The following TP63 variants were observed in gnomAD, a reference collection of about 807,000 sequenced individuals.
TP63 encodes the protein tumor protein 63.
In TP63, 17 loss-of-function variants were observed where a neutral mutation model predicts 82.8. The observed-to-expected ratio is 0.21, with a 90% confidence interval of 0.14 to 0.31. TP63 has a LOEUF of 0.31. TP63 is among the 10% of genes least tolerant of loss of function. The pLI is 1.00. For synonymous variants in TP63, 330 were observed against 321.7 expected (o/e 1.03, Z -0.28); for missense variants, 648 against 895.3 (o/e 0.72, Z 3.52).
intron 3 of TP63, among the ~76,000 whole-genome samples, chr3:189,799,128 G>A (rs1017687208): frequency 2.6e-5 from 4 of 152,072 alleles, no homozygotes; most frequent in African/African-American, 9.7e-5. Context: ...ATAAAAACTA[G>A]TGTTTCAACC....
chr3:189,625,881 T>G, the TP63 span, among the ~76,000 whole-genome samples: 5 of 152,106 alleles, frequency 3.3e-5, no homozygotes, highest in African/African-American at 4.8e-5. Context: ...CTTTGGAGGG[T>G]ATCAGGTTTG....
chr3:189,792,585 G>A (rs1425784291), intron 3 of TP63, among the ~76,000 whole-genome samples: 1 of 151,966 alleles, frequency 6.6e-6, no homozygotes. Flanking sequence ...CAGTATTTTC[G>A]AACTAAATGG....
intron 1 of TP63, among the ~76,000 whole-genome samples, chr3:189,696,883 G>T (rs971773078): frequency 3.3e-5 from 5 of 151,990 alleles, no homozygotes; most frequent in Non-Finnish European, 7.4e-5. Context: ...ATTTTAAAAT[G>T]TTTTCTAATT....
intron 10 of TP63, among the ~76,000 whole-genome samples, chr3:189,875,609 T>TATATATATATATAC (rs1553859650): frequency 1.9e-4 from 12 of 62,986 alleles, no homozygotes; most frequent in African/African-American, 6.0e-4. Flanking sequence ...TATATATATA[T>TATATATATATATAC]ATATATATAT....
At chr3:189,666,467 A>G (rs1714398946) in intron 1 of TP63, among the ~76,000 whole-genome samples, 1 of 152,122 alleles carries the variant, frequency 6.6e-6, no homozygotes, top group Non-Finnish European at 1.5e-5. Flanking sequence ...TTATACTGTA[A>G]TTATGACTTT....
intron 4 of TP63, among the ~76,000 whole-genome samples, chr3:189,818,558 T>C (rs1304166660): frequency 2.0e-5 from 3 of 152,148 alleles, no homozygotes; most frequent in Non-Finnish European, 4.4e-5. Flanking sequence ...TTGAGAAGCC[T>C]ATGTTTCTCA....
At chr3:189,750,080 C>T (rs1024502014) in intron 3 of TP63, among the ~76,000 whole-genome samples, 2 of 149,868 alleles carry the variant, frequency 1.3e-5, no homozygotes, top group Non-Finnish European at 3.0e-5. Flanking sequence ...GCTGAGATCC[C>T]ACCACTGCAC....
At chr3:189,654,839 T>C (rs1454592026) in intron 1 of TP63, among the ~76,000 whole-genome samples, 3 of 152,222 alleles carry the variant, frequency 2.0e-5, no homozygotes, top group Non-Finnish European at 4.4e-5. Context: ...TATTTTCCAT[T>C]GTAACATGCC....
At chr3:189,819,499 G>A (rs1056185029) in intron 4 of TP63, among the ~76,000 whole-genome samples, 4 of 151,908 alleles carry the variant, frequency 2.6e-5, no homozygotes, top group Admixed American at 6.6e-5. Context: ...CTGTGTCCAG[G>A]TGTTCTCATT....
intron 4 of TP63, among the ~76,000 whole-genome samples, chr3:189,840,338 T>G (rs534135681): frequency 6.7e-6 from 1 of 149,928 alleles, no homozygotes; most frequent in African/African-American, 2.4e-5. Context: ...GGAATTGAGT[T>G]TTTTCTTTTT....
rs1712621543 is a variant in TP63 at position 189,648,624 on chromosome 3, A to G, written c.62+17047A>G. ...AAACTTTTCTCTCTCATTAGGATAA[A>G]TGAATCTTAACAGGATTGAGTAATT... On this transcript the variant is annotated intron_variant, in intron 1 of 13. Transcript: ENST00000264731. Among the ~76,000 whole-genome samples the G allele has an allele frequency of 1.4e-5, 2 of 147,608 alleles. 1 individual carries two copies. Among genetic ancestry groups the G allele is most frequent in the African/African-American group, 5.1e-5 (2 of 39,466 alleles).
At chr3:189,785,205 A>G (rs992321594) in intron 3 of TP63, among the ~76,000 whole-genome samples, 1 of 152,022 alleles carries the variant, frequency 6.6e-6, no homozygotes, top group African/African-American at 2.4e-5. Flanking sequence ...ATCAAAAGGC[A>G]TCTCTCTGTA....
chr3:189,757,177 G>A (rs1722246770), intron 3 of TP63, among the ~76,000 whole-genome samples: 1 of 152,144 alleles, frequency 6.6e-6, no homozygotes, highest in African/African-American at 2.4e-5. Context: ...TAAGATCCAA[G>A]TTCATCAGTG....
intron 1 of TP63, among the ~76,000 whole-genome samples, chr3:189,642,746 G>A (rs1712010815): frequency 6.6e-6 from 1 of 152,028 alleles, no homozygotes; most frequent in African/African-American, 2.4e-5. Context: ...CCTGTCCTGG[G>A]TAAAAGAGCT....
chr3:189,620,358 A>G, the TP63 span, among the ~76,000 whole-genome samples: 2 of 152,072 alleles, frequency 1.3e-5, no homozygotes, highest in East Asian at 3.9e-4. Context: ...CCCCATCTCT[A>G]CTAAAAATAC....
intron 3 of TP63, among the ~76,000 whole-genome samples, chr3:189,761,898 AG>A (rs1241721025): frequency 1.3e-5 from 2 of 152,212 alleles, no homozygotes; most frequent in African/African-American, 2.4e-5. Context: ...GCTTGTGCAG[AG>A]AAACCCCCGT....
At chr3:189,700,452 A>T (rs1262384123) in intron 1 of TP63, among the ~76,000 whole-genome samples, 2 of 152,174 alleles carry the variant, frequency 1.3e-5, no homozygotes, top group Non-Finnish European at 2.9e-5. Context: ...GTACTTATTA[A>T]TATCCCAAAA....
At chr3:189,848,929 T>C (rs1188443779) in intron 4 of TP63, among the ~76,000 whole-genome samples, 1 of 152,160 alleles carries the variant, frequency 6.6e-6, no homozygotes, top group East Asian at 1.9e-4. Flanking sequence ...GTCTGGTCAC[T>C]GGAAAGGCAA....
At chr3:189,798,789 G>A (rs527498824) in intron 3 of TP63, among the ~76,000 whole-genome samples, 2 of 152,064 alleles carry the variant, frequency 1.3e-5, no homozygotes, top group South Asian at 2.1e-4. Flanking sequence ...TTTATAATAG[G>A]ACAAATAGAA....
Sources: allele counts gnomAD v4.1 joint callset (sites outside exome capture counted in the v4.1 genomes callset), GRCh38; gene constraint gnomAD v4.1.1; transcripts MANE v1.5; gene names NCBI Gene and HGNC (gene_info 2026-07-23, HGNC 2026-07-21).